The following FANK1 variants were observed in gnomAD, a reference collection of about 807,000 sequenced individuals.
The protein encoded by FANK1 is fibronectin type 3 and ankyrin repeat domains protein 1.
Under a neutral mutation model 45.3 loss-of-function variants are expected in FANK1, and 44 were observed. The ratio of observed to expected loss-of-function variants is 0.97; its 90% CI spans 0.76 to 1.25. The LOEUF is 1.25. Ranked by LOEUF, FANK1 falls within the 50% of genes most tolerant of loss-of-function variation. The pLI, the probability that FANK1 is intolerant of heterozygous loss-of-function variation, is 0.00. For synonymous variants in FANK1, 149 were observed against 152.5 expected (o/e 0.98, Z 0.17); for missense variants, 391 against 424.4 (o/e 0.92, Z 0.69).
chr10:125,898,087 C>G (rs73383034), intron 1 of FANK1, among the ~76,000 whole-genome samples: 1 of 144,414 alleles, frequency 6.9e-6, no homozygotes. Flanking sequence ...ACGCTGAGGC[C>G]GAGGCAGGGG....
intron 1 of FANK1, among the ~76,000 whole-genome samples, chr10:125,929,279 C>T (rs1229929264): frequency 6.6e-6 from 1 of 152,060 alleles, no homozygotes; most frequent in Non-Finnish European, 1.5e-5. Context: ...AGAAAAAAGT[C>T]CCTCAGGTAG....
At chr10:125,901,106 T>G (rs989575250) in intron 1 of FANK1, among the ~76,000 whole-genome samples, 28 of 152,274 alleles carry the variant, frequency 1.8e-4, no homozygotes, top group African/African-American at 6.7e-4. Context: ...CGCATGTTTT[T>G]AAAGAAATGG....
intron 1 of FANK1, among the ~76,000 whole-genome samples, chr10:125,931,605 A>C (rs1226291399): frequency 6.6e-6 from 1 of 152,128 alleles, no homozygotes; most frequent in African/African-American, 2.4e-5. Flanking sequence ...GATTCTGGAT[A>C]TTAGTCCTTC....
intron 7 of FANK1, among the ~76,000 whole-genome samples, chr10:126,006,792 G>C (rs1250725215): frequency 6.6e-6 from 1 of 152,208 alleles, no homozygotes; most frequent in Non-Finnish European, 1.5e-5. Context: ...CCCAGGAGGT[G>C]GAGGTTGCAG....
chr10:126,001,080 A>G (rs1303892586), intron 6 of FANK1, among the ~76,000 whole-genome samples: 1 of 152,212 alleles, frequency 6.6e-6, no homozygotes, highest in Non-Finnish European at 1.5e-5. Flanking sequence ...GGAAATGTGC[A>G]TCCATATTAA....
chr10:125,929,057 G>T (rs1051621633), intron 1 of FANK1, among the ~76,000 whole-genome samples: 1 of 152,226 alleles, frequency 6.6e-6, no homozygotes, highest in Admixed American at 6.5e-5. Context: ...ACAGTAGCCA[G>T]ATTAGCAGGA....
intron 1 of FANK1, among the ~76,000 whole-genome samples, chr10:125,978,037 C>G (rs1384551985): frequency 6.6e-6 from 1 of 152,078 alleles, no homozygotes; most frequent in African/African-American, 2.4e-5. Flanking sequence ...GAGGACCTGT[C>G]CAGTGAGGAG....
intron 1 of FANK1, among the ~76,000 whole-genome samples, chr10:125,979,547 T>C (rs1015767434): frequency 1.3e-5 from 2 of 152,252 alleles, no homozygotes; most frequent in Admixed American, 1.3e-4. Flanking sequence ...AATTTCTTTT[T>C]CAGTTTCTGA....
chr10:125,929,932 T>C (rs557573134), intron 1 of FANK1, among the ~76,000 whole-genome samples: 2 of 152,332 alleles, frequency 1.3e-5, no homozygotes, highest in African/African-American at 2.4e-5. Flanking sequence ...TTTCCTGTTA[T>C]AGCTGAAGTG....
At chr10:125,938,294 T>TA (rs11318152) in intron 1 of FANK1, among the ~76,000 whole-genome samples, 3 of 151,524 alleles carry the variant, frequency 2.0e-5, no homozygotes, top group South Asian at 2.1e-4. Context: ...AATTTATGAT[T>TA]AAAAAAAAAA....
chr10:125,971,703 A>C (rs917919839), intron 1 of FANK1, among the ~76,000 whole-genome samples: 3 of 151,534 alleles, frequency 2.0e-5, no homozygotes, highest in Non-Finnish European at 4.4e-5. Context: ...CTCACTGCAA[A>C]CTCCGCCTCC....
At chr10:125,950,872 A>C (rs1450082328) in intron 1 of FANK1, among the ~76,000 whole-genome samples, 1 of 150,092 alleles carries the variant, frequency 6.7e-6, no homozygotes, top group Non-Finnish European at 1.5e-5. Flanking sequence ...GACTGGATTA[A>C]GAAAATGTGG....
intron 3 of FANK1, chr10:125,988,881 G>A: frequency 1.3e-6 from 1 of 777,268 alleles, no homozygotes; most frequent in Non-Finnish European, 2.1e-6. Flanking sequence ...AACTGGGAGA[G>A]CTATTTTTGT....
At chr10:125,962,240 C>A (rs1347386742) in intron 1 of FANK1, among the ~76,000 whole-genome samples, 3 of 152,162 alleles carry the variant, frequency 2.0e-5, no homozygotes, top group Admixed American at 6.5e-5. Context: ...CTGTAGACCC[C>A]CTTGCACCCA....
intron 1 of FANK1, among the ~76,000 whole-genome samples, chr10:125,917,732 C>T (rs1267402434): frequency 1.3e-5 from 2 of 152,232 alleles, no homozygotes; most frequent in African/African-American, 4.8e-5. Flanking sequence ...ATTTTTCCTC[C>T]CTTACATATG....
chr10:125,943,431 C>T (rs1013211598), intron 1 of FANK1, among the ~76,000 whole-genome samples: 3 of 152,074 alleles, frequency 2.0e-5, no homozygotes, highest in African/African-American at 7.2e-5. Context: ...CAATAATCAC[C>T]ATTATCTATC....
chr10:125,902,330 T>C (rs1463210058), intron 1 of FANK1, among the ~76,000 whole-genome samples: 1 of 152,224 alleles, frequency 6.6e-6, no homozygotes, highest in Non-Finnish European at 1.5e-5. Context: ...AGGGGACCTG[T>C]CTGCCCTGTT....
At position 125,984,919 on chromosome 10, in the gene FANK1, A is replaced by G. The variant is rs111996356; in HGVS notation, c.192-3632A>G. On this transcript the variant is annotated intron_variant, in intron 2 of 10. Coordinates refer to ENST00000368693, the MANE Select transcript of FANK1 (RefSeq NM_145235.5). ...TAAAGTTGCGCTTCTCCATGGGTTC[A>G]ATGAACTGCTCTCATGAGTCCTCCC... 2.8e-3 allele frequency among the ~76,000 whole-genome samples: 423 copies of G among 152,310 alleles called. 1 individual carries two copies. Among genetic ancestry groups the G allele is most frequent in the African/African-American group, 9.7e-3 (404 of 41,574 alleles).
intron 1 of FANK1, among the ~76,000 whole-genome samples, chr10:125,948,310 A>C (rs1275227681): frequency 1.3e-5 from 2 of 152,206 alleles, no homozygotes; most frequent in East Asian, 3.8e-4. Context: ...CCTTCAAAAA[A>C]ATCAATGAAT....
Sources: allele counts gnomAD v4.1 joint callset (sites outside exome capture counted in the v4.1 genomes callset), GRCh38; gene constraint gnomAD v4.1.1; transcripts MANE v1.5; gene names NCBI Gene and HGNC (gene_info 2026-07-23, HGNC 2026-07-21).